The following BICD1 variants were observed in gnomAD, a reference collection of about 807,000 sequenced individuals.
BICD1 encodes the protein protein bicaudal D homolog 1.
In BICD1, 35 loss-of-function variants were observed where a neutral mutation model predicts 92.5. The ratio of observed to expected loss-of-function variants is 0.38; its 90% confidence interval spans 0.29 to 0.50. BICD1 has a LOEUF of 0.50. BICD1 is among the 20% of genes least tolerant of loss of function. The probability of loss-of-function intolerance (pLI) is 0.93; values close to 1 mark genes in which losing one functional copy is unlikely to be tolerated. For synonymous variants in BICD1, 429 were observed against 465.1 expected (o/e 0.92, Z 1.00); for missense variants, 950 against 1,189.8 (o/e 0.80, Z 2.97).
chr12:32,175,313 A>G (rs189534482), intron 1 of BICD1, among the ~76,000 whole-genome samples: 1 of 152,124 alleles, frequency 6.6e-6, no homozygotes, highest in East Asian at 1.9e-4. Flanking sequence ...AACACATACT[A>G]AGCTTTTTTT....
intron 4 of BICD1, among the ~76,000 whole-genome samples, chr12:32,316,489 C>T (rs891238399): frequency 2.0e-5 from 3 of 151,510 alleles, no homozygotes; most frequent in African/African-American, 2.4e-5. Context: ...TTAGTAGAGA[C>T]GGAGTTTCAC....
At chr12:32,276,430 T>C (rs1290592984) in intron 2 of BICD1, among the ~76,000 whole-genome samples, 1 of 152,212 alleles carries the variant, frequency 6.6e-6, no homozygotes, top group Non-Finnish European at 1.5e-5. Context: ...CATCCACCTT[T>C]AAACACGGGG....
chr12:32,334,776 T>C, intron 6 of BICD1, 109 bp downstream of exon 6: 1 of 1,217,070 alleles, frequency 8.2e-7, no homozygotes, highest in South Asian at 2.0e-5. Flanking sequence ...TAGTCTAGGA[T>C]GGCTAAGTGT....
chr12:32,282,202 C>CTTCTTTT (rs1947430802), intron 2 of BICD1, among the ~76,000 whole-genome samples: 1 of 94,236 alleles, frequency 1.1e-5, no homozygotes, highest in African/African-American at 4.5e-5. Context: ...AGGTCTTCTT[C>CTTCTTTT]TTTTTTTTTT....
intron 3 of BICD1, among the ~76,000 whole-genome samples, chr12:32,303,217 C>T (rs1314758325): frequency 1.3e-5 from 2 of 152,080 alleles, no homozygotes; most frequent in African/African-American, 2.4e-5. Context: ...GCTGAGATTA[C>T]AGGCCTGAGC....
chr12:32,368,432 C>T (rs1939607928), intron 9 of BICD1, among the ~76,000 whole-genome samples: 1 of 152,188 alleles, frequency 6.6e-6, no homozygotes, highest in East Asian at 1.9e-4. Context: ...TGATGGCTCA[C>T]ACCCGTAATC....
At chr12:32,161,306 A>G (rs1019424472) in intron 1 of BICD1, among the ~76,000 whole-genome samples, 1 of 152,258 alleles carries the variant, frequency 6.6e-6, no homozygotes, top group African/African-American at 2.4e-5. Context: ...TGAAATCAAT[A>G]TGATTCAACC....
At chr12:32,262,110 A>G (rs1946875331) in intron 2 of BICD1, among the ~76,000 whole-genome samples, 1 of 152,246 alleles carries the variant, frequency 6.6e-6, no homozygotes, top group Admixed American at 6.5e-5. Flanking sequence ...TATGTGCATT[A>G]CCTATAAATG....
chr12:32,296,625 T>C (rs1255866429), intron 3 of BICD1, among the ~76,000 whole-genome samples: 35 of 152,170 alleles, frequency 2.3e-4, no homozygotes, highest in Non-Finnish European at 2.2e-4. Context: ...TTGAAACAAA[T>C]TTACTTGAAG....
At chr12:32,270,238 T>C (rs1947103861) in intron 2 of BICD1, among the ~76,000 whole-genome samples, 1 of 151,798 alleles carries the variant, frequency 6.6e-6, no homozygotes, top group African/African-American at 2.4e-5. Context: ...AATAAAATAA[T>C]ATAATAAGAT....
At chr12:32,266,963 C>T (rs772118950) in intron 2 of BICD1, among the ~76,000 whole-genome samples, 1 of 152,166 alleles carries the variant, frequency 6.6e-6, no homozygotes, top group African/African-American at 2.4e-5. Flanking sequence ...GCCCTGCCCC[C>T]AGAACCCTGG....
chr12:32,150,865 G>C (rs567923663), intron 1 of BICD1, among the ~76,000 whole-genome samples: 17 of 152,150 alleles, frequency 1.1e-4, no homozygotes, highest in African/African-American at 3.6e-4. Flanking sequence ...AAGAAGGCAC[G>C]TGAGACTCAT....
chr12:32,242,437 G>GA (rs893015889), intron 2 of BICD1, among the ~76,000 whole-genome samples: 1 of 151,990 alleles, frequency 6.6e-6, no homozygotes, highest in African/African-American at 2.4e-5. Context: ...CAAGGCAGGA[G>GA]AATTGCCTGA....
At chr12:32,211,268 A>G (rs980913824) in intron 1 of BICD1, among the ~76,000 whole-genome samples, 3 of 152,206 alleles carry the variant, frequency 2.0e-5, no homozygotes, top group Admixed American at 2.0e-4. Flanking sequence ...TTGTTTTTCA[A>G]ATCAGGTCCA....
chr12:32,375,496 C>G (rs771272291), intron 9 of BICD1, among the ~76,000 whole-genome samples: 82 of 152,182 alleles, frequency 5.4e-4, no homozygotes, highest in Non-Finnish European at 1.1e-3. Context: ...TGCCACTGCA[C>G]TCCTGCCTGG....
intron 1 of BICD1, among the ~76,000 whole-genome samples, chr12:32,183,355 C>A (rs1034964236): frequency 6.6e-6 from 1 of 151,400 alleles, no homozygotes; most frequent in Admixed American, 6.6e-5. Context: ...TCATTGCAAC[C>A]GCTGGTTCAA....
At chr12:32,169,223 A>C (rs1413762949) in intron 1 of BICD1, among the ~76,000 whole-genome samples, 1 of 152,206 alleles carries the variant, frequency 6.6e-6, no homozygotes, top group Admixed American at 6.5e-5. Context: ...AATTATTTTC[A>C]AGAAAAATAA....
chr12:32,377,475 C>A (rs981181038), intron 9 of BICD1, 65 bp from the exon 10 acceptor site: 9 of 1,255,274 alleles, frequency 7.2e-6, no homozygotes, highest in Non-Finnish European at 8.2e-6. Context: ...CTCGTCTAAC[C>A]CCTACCATTG....
chr12:32,147,477 C>T (rs554606455), intron 1 of BICD1, among the ~76,000 whole-genome samples: 12 of 146,776 alleles, frequency 8.2e-5, no homozygotes, highest in African/African-American at 2.5e-4. Context: ...TTGTTAGTTA[C>T]GATTTACTAA....
Sources: allele counts gnomAD v4.1 joint callset (sites outside exome capture counted in the v4.1 genomes callset), GRCh38; gene constraint gnomAD v4.1.1; transcripts MANE v1.5; gene names NCBI Gene and HGNC (gene_info 2026-07-23, HGNC 2026-07-21).